The following RNF128 variants were observed in gnomAD, a reference collection of about 807,000 sequenced individuals.
RNF128 encodes the protein ring finger protein 128, also known as E3 ubiquitin-protein ligase RNF128.
Under a neutral mutation model 26.2 loss-of-function variants are expected in RNF128, and 13 were observed. That is an observed-to-expected ratio of 0.50 (90% CI 0.32 to 0.79). The LOEUF (loss-of-function observed/expected upper bound fraction) is 0.79, where lower values mean the gene tolerates loss of function less well. Ranked by LOEUF, RNF128 falls within the 30% of genes least tolerant of loss-of-function variation. The probability of loss-of-function intolerance (pLI) is 0.03; values close to 1 mark genes in which losing one functional copy is unlikely to be tolerated. For missense variants in RNF128, 315 were observed against 349.7 expected, an observed-to-expected ratio of 0.90 and a Z score of 0.79; for synonymous variants, 149 against 142.5, an observed-to-expected ratio of 1.05 and a Z score of -0.32.
chrX:106,716,037 G>A (rs1929211067), intron 1 of RNF128, among the ~76,000 whole-genome samples: 1 of 111,645 alleles, frequency 9.0e-6, no homozygotes, highest in African/African-American at 3.3e-5. Context: ...TGAAAATACT[G>A]TTTCCCAAAT....
At chrX:106,740,897 A>G (rs779703598) in intron 1 of RNF128, among the ~76,000 whole-genome samples, 1 of 111,845 alleles carries the variant, frequency 8.9e-6, no homozygotes, top group East Asian at 2.8e-4. Flanking sequence ...CTTGTTAGTC[A>G]TAGTTGTTTC....
upstream of RNF128, chrX:106,726,536 A>T: frequency 2.1e-6 from 1 of 468,049 alleles, no homozygotes; most frequent in Non-Finnish European, 2.7e-6. Flanking sequence ...AAACGACGCG[A>T]CACACCTAGC....
At chrX:106,777,212 A>T (rs1431145805) in intron 2 of RNF128, among the ~76,000 whole-genome samples, 1 of 112,044 alleles carries the variant, frequency 8.9e-6, no homozygotes, top group African/African-American at 3.2e-5. Context: ...TCACAGTGTG[A>T]TACCAAGGGA....
At chrX:106,744,183 G>A (rs1334833926) in intron 1 of RNF128, among the ~76,000 whole-genome samples, 1 of 111,168 alleles carries the variant, frequency 9.0e-6, no homozygotes, top group Non-Finnish European at 1.9e-5. Context: ...ACACCAACAT[G>A]GCACATGTAT....
chrX:106,769,437 C>T (rs1930323522), intron 1 of RNF128, among the ~76,000 whole-genome samples: 1 of 109,943 alleles, frequency 9.1e-6, no homozygotes, highest in South Asian at 3.9e-4. Flanking sequence ...GTCAGCTCTT[C>T]TTGTTGAATT....
chrX:106,762,416 C>T (rs1185542519), intron 1 of RNF128, among the ~76,000 whole-genome samples: 3 of 109,098 alleles, frequency 2.7e-5, no homozygotes, highest in Non-Finnish European at 3.8e-5. Flanking sequence ...CGGGTTCAAG[C>T]GATTCTCCTG....
intron 1 of RNF128, among the ~76,000 whole-genome samples, chrX:106,772,387 T>C (rs1930388727): frequency 8.9e-6 from 1 of 111,963 alleles, no homozygotes; most frequent in African/African-American, 3.2e-5. Flanking sequence ...CATGGACATA[T>C]GTAGTTTGTA....
At chrX:106,698,822 A>G (rs1928910403) in intron 1 of RNF128, among the ~76,000 whole-genome samples, 2 of 110,957 alleles carry the variant, frequency 1.8e-5, no homozygotes, top group Non-Finnish European at 3.8e-5. Context: ...ACTTCTTTCC[A>G]AGACTTTATC....
At chrX:106,696,374 A>C (rs1407117350) in intron 1 of RNF128, among the ~76,000 whole-genome samples, 1 of 111,581 alleles carries the variant, frequency 9.0e-6, no homozygotes, top group Non-Finnish European at 1.9e-5. Flanking sequence ...TTTCCTTTAT[A>C]TAAAAACTAT....
upstream of RNF128, among the ~76,000 whole-genome samples, chrX:106,725,982 A>G (rs978299821): frequency 6.2e-5 from 7 of 113,291 alleles, no homozygotes; most frequent in African/African-American, 2.2e-4. Context: ...GGAAATGGAG[A>G]AAGATTATGT....
intron 1 of RNF128, among the ~76,000 whole-genome samples, chrX:106,729,080 G>C (rs1929457474): frequency 8.9e-6 from 1 of 111,926 alleles, no homozygotes; most frequent in African/African-American, 3.2e-5. Context: ...TAATTGAAGA[G>C]TATTTAATTA....
At chrX:106,788,461 ATAT>A (rs1427921687) in intron 4 of RNF128, among the ~76,000 whole-genome samples, 23 of 48,365 alleles carry the variant, frequency 4.8e-4, no homozygotes, top group African/African-American at 1.0e-3. Flanking sequence ...AATATATATA[ATAT>A]TATTATAATT....
chrX:106,754,233 T>G (rs1929953376), intron 1 of RNF128, among the ~76,000 whole-genome samples: 1 of 109,436 alleles, frequency 9.1e-6, no homozygotes, highest in South Asian at 3.9e-4. Flanking sequence ...TTTTTTCTTT[T>G]TTTTCAGACA....
intron 1 of RNF128, among the ~76,000 whole-genome samples, chrX:106,746,499 C>T (rs1929797608): frequency 9.0e-6 from 1 of 111,286 alleles, no homozygotes; most frequent in Non-Finnish European, 1.9e-5. Context: ...TAAGATTAGA[C>T]AAAAACCATA....
At chrX:106,770,346 A>G (rs1412007240) in intron 1 of RNF128, among the ~76,000 whole-genome samples, 1 of 111,755 alleles carries the variant, frequency 8.9e-6, no homozygotes, top group Non-Finnish European at 1.9e-5. Context: ...GTATTTTCCG[A>G]CGTGGTTCCA....
chrX:106,743,203 A>T (rs1929732388), intron 1 of RNF128, among the ~76,000 whole-genome samples: 1 of 112,379 alleles, frequency 8.9e-6, no homozygotes, highest in Non-Finnish European at 1.9e-5. Context: ...ACAAATGACA[A>T]TATTTGTTGC....
intron 1 of RNF128, among the ~76,000 whole-genome samples, chrX:106,711,094 A>T (rs1315299047): frequency 1.8e-5 from 2 of 112,185 alleles, no homozygotes; most frequent in African/African-American, 3.2e-5. Context: ...GCTAAAAAAA[A>T]TCACTGAATC....
intron 2 of RNF128, among the ~76,000 whole-genome samples, chrX:106,773,526 C>A (rs1930413097): frequency 9.0e-6 from 1 of 111,036 alleles, no homozygotes; most frequent in Admixed American, 9.6e-5. Flanking sequence ...AAAAAACTCA[C>A]CTAAAACCTG....
intron 4 of RNF128, among the ~76,000 whole-genome samples, chrX:106,788,878 A>G (rs1288166732): frequency 4.1e-5 from 3 of 73,514 alleles, no homozygotes; most frequent in African/African-American, 1.7e-4. Context: ...TATAATGTAT[A>G]ATATATTATA....
Sources: allele counts gnomAD v4.1 joint callset (sites outside exome capture counted in the v4.1 genomes callset), GRCh38; gene constraint gnomAD v4.1.1; transcripts MANE v1.5; gene names NCBI Gene and HGNC (gene_info 2026-07-23, HGNC 2026-07-21).